TRNAU1AP: variants seen among roughly 807,000 people sequenced by gnomAD.
TRNAU1AP encodes tRNA selenocysteine 1-associated protein 1.
In TRNAU1AP, 33 loss-of-function variants were observed where a neutral mutation model predicts 43.3. The ratio of observed to expected loss-of-function variants is 0.76; its 90% CI spans 0.58 to 1.02. The LOEUF (loss-of-function observed/expected upper bound fraction) is 1.02, where lower values mean the gene tolerates loss of function less well. TRNAU1AP is among the 50% of genes least tolerant of loss of function. The pLI, the probability that TRNAU1AP is intolerant of heterozygous loss-of-function variation, is 0.00. For synonymous variants in TRNAU1AP, 143 were observed against 129.1 expected (o/e 1.11, Z -0.73); for missense variants, 290 against 362.7 (o/e 0.80, Z 1.63).
intron 4 of TRNAU1AP, among the ~76,000 whole-genome samples, chr1:28,562,686 T>C (rs1205196271): frequency 6.6e-6 from 1 of 151,656 alleles, no homozygotes; most frequent in African/African-American, 2.4e-5. Context: ...GTTCATGCCG[T>C]TCTCCTGCCT....
chr1:28,554,207 A>AAAC (rs1462340347), intron 2 of TRNAU1AP, among the ~76,000 whole-genome samples: 6 of 145,452 alleles, frequency 4.1e-5, no homozygotes, highest in African/African-American at 1.4e-4. Context: ...TCAAAAAAAA[A>AAAC]AAAAACAAAA....
intron 2 of TRNAU1AP, 41 bp downstream of exon 2, chr1:28,553,778 A>G: frequency 6.5e-7 from 1 of 1,540,462 alleles, no homozygotes; most frequent in Non-Finnish European, 9.0e-7. Context: ...ATCTCGTTGC[A>G]GCTGTCATGT....
chr1:28,563,049 A>G (rs1223728637), intron 4 of TRNAU1AP, among the ~76,000 whole-genome samples: 1 of 151,198 alleles, frequency 6.6e-6, no homozygotes, highest in Non-Finnish European at 1.5e-5. Context: ...GCACCTGCCA[A>G]TGCGCCCAGC....
chr1:28,561,014 G>T (rs940899086), intron 3 of TRNAU1AP: 1 of 1,314,600 alleles, frequency 7.6e-7, no homozygotes, highest in African/African-American at 1.5e-5. Flanking sequence ...CATAACCGAA[G>T]ACTTGAAACT....
intron 7 of TRNAU1AP, 61 bp downstream of exon 7, chr1:28,571,399 A>G: frequency 1.9e-6 from 3 of 1,556,060 alleles, no homozygotes; most frequent in East Asian, 2.2e-5. Context: ...GAAACAGGTC[A>G]TTCTCTAGGA....
intron 2 of TRNAU1AP, among the ~76,000 whole-genome samples, chr1:28,557,246 C>T (rs1280504526): frequency 2.0e-5 from 3 of 151,290 alleles, no homozygotes; most frequent in South Asian, 2.1e-4. Context: ...AGTGAAACCC[C>T]GTCTCTACTA....
At chr1:28,570,550 T>C (rs1400573938) in intron 6 of TRNAU1AP, among the ~76,000 whole-genome samples, 1 of 150,458 alleles carries the variant, frequency 6.6e-6, no homozygotes, top group Non-Finnish European at 1.5e-5. Context: ...ACCCAGCCCT[T>C]TTTTGTTTTG....
chr1:28,564,610 G>T, intron 4 of TRNAU1AP, 93 bp from the exon 5 acceptor site: 5 of 1,477,390 alleles, frequency 3.4e-6, no homozygotes, highest in Non-Finnish European at 9.1e-7. Context: ...TCCTTAAGGG[G>T]CCTGGGAGAG....
chr1:28,575,102 AG>A (rs1406091087), intron 8 of TRNAU1AP, among the ~76,000 whole-genome samples: 1 of 152,156 alleles, frequency 6.6e-6, no homozygotes, highest in Non-Finnish European at 1.5e-5. Flanking sequence ...AGAGATAATT[AG>A]CCTCATAATA....
chr1:28,571,423 G>A (rs1211249171), intron 7 of TRNAU1AP, 85 bp downstream of exon 7: 2 of 1,421,906 alleles, frequency 1.4e-6, no homozygotes, highest in Non-Finnish European at 2.0e-6. Context: ...GATTGGTAAG[G>A]ACAGGGGCTT....
chr1:28,571,291 T>TA lies in TRNAU1AP; in HGVS notation c.647dup (p.Tyr216Ter). 6.2e-7 allele frequency: 1 copy of TA among 1,614,012 alleles called. No homozygotes were observed. Among genetic ancestry groups the TA allele is most frequent in the South Asian group, 1.1e-5 (1 of 91,078 alleles). Residue 216 changes from tyrosine (Y) to a stop codon, truncating the protein, a stop_gained and frameshift_variant, in exon 7 of 9, where the codon TAC becomes TAAC. Coordinates refer to ENST00000373830, the MANE Select transcript of TRNAU1AP (RefSeq NM_017846.5). LOFTEE classifies it high-confidence loss of function. ...GGGCTATGACCAGAACACAGGCAGC[T>TA]ACAGCTACAGTTACCCCCAGTATGG... ...QWGYDQNTGS[Y>*]SYSYPQYGYT...
At chr1:28,560,550 A>T in intron 2 of TRNAU1AP, 83 bp from the exon 3 acceptor site, 1 of 1,128,526 alleles carries the variant, frequency 8.9e-7, no homozygotes, top group South Asian at 1.3e-5. Flanking sequence ...TGTTGGGATT[A>T]TATGCGTGAG....
chr1:28,561,401 A>G lies in TRNAU1AP; in HGVS notation c.278+3A>G. On this transcript the variant is annotated splice_donor_region_variant and intron_variant, in intron 4 of 8. Coordinates refer to ENST00000373830, the MANE Select transcript of TRNAU1AP (RefSeq NM_017846.5). Reference sequence around the variant, plus strand: ...TACGGGAAACAACCAGATAACAGGTAGGTACAAAGTCATGTCTAGACAGAC... The same window carrying G: ...TACGGGAAACAACCAGATAACAGGTGGGTACAAAGTCATGTCTAGACAGAC... 6.2e-7 allele frequency: 1 copy of G among 1,614,106 alleles called. No individual in the cohort carries two copies. Among genetic ancestry groups the G allele is most frequent in the Non-Finnish European group, 8.5e-7 (1 of 1,179,992 alleles).
At chr1:28,571,077 A>T in intron 6 of TRNAU1AP, 99 bp from the exon 7 acceptor site, 1 of 1,202,920 alleles carries the variant, frequency 8.3e-7, no homozygotes. Flanking sequence ...GAAAAAAAAA[A>T]GTTAATCGGT....
At chr1:28,577,449 C>T in intron 8 of TRNAU1AP, 51 bp from the exon 9 acceptor site, 1 of 1,596,872 alleles carries the variant, frequency 6.3e-7, no homozygotes, top group Non-Finnish European at 8.5e-7. Context: ...GAACCAGGTC[C>T]CTTGCAGCTG....
intron 2 of TRNAU1AP, among the ~76,000 whole-genome samples, chr1:28,556,509 CTT>C (rs1158772133): frequency 1.8e-3 from 228 of 129,866 alleles, no homozygotes; most frequent in African/African-American, 6.0e-3. Context: ...ACATTTTAAT[CTT>C]TTTTTTTTTT....
At chr1:28,563,272 G>A (rs986044627) in intron 4 of TRNAU1AP, among the ~76,000 whole-genome samples, 6 of 151,876 alleles carry the variant, frequency 4.0e-5, no homozygotes, top group South Asian at 4.2e-4. Flanking sequence ...AAGGTAGGCC[G>A]GGTGCGGTGG....
At chr1:28,570,999 A>T (rs1361254273) in intron 6 of TRNAU1AP, among the ~76,000 whole-genome samples, 177 bp from the exon 7 acceptor site, 1 of 152,082 alleles carries the variant, frequency 6.6e-6, no homozygotes, top group African/African-American at 2.4e-5. Context: ...CGGGAGGCGC[A>T]GGTTGCAGTG....
At position 28,553,660 on chromosome 1, in the gene TRNAU1AP, G is replaced by A. The variant is rs1346356833; in HGVS notation, c.48G>A (p.Glu16=). 3 of 1,614,150 alleles carry A rather than the reference G, an allele frequency of 1.9e-6. No homozygotes were observed. Among genetic ancestry groups the A allele is most frequent in the South Asian group, 2.2e-5 (2 of 91,078 alleles). The part of the protein sequence containing the change: ...WMGDLEPYMD[E]NFISRAFATM... ...CGCAGCTGGAACCCTACATGGATGA[G>A]AACTTCATCTCCAGAGCCTTTGCCA... Residue 16 remains glutamate (E), a synonymous_variant, in exon 2 of 9, where the codon GAG becomes GAA. Transcript: ENST00000373830.
Sources: gnomAD v4.1 joint callset for allele counts (sites outside exome capture counted in the v4.1 genomes callset) on GRCh38, gnomAD v4.1.1 for gene constraint, MANE v1.5 for transcripts, NCBI Gene and HGNC (gene_info 2026-07-23, HGNC 2026-07-21) for gene names.